PNKD: variants seen among roughly 807,000 people sequenced by gnomAD.
PNKD encodes PNKD metallo-beta-lactamase domain containing.
In PNKD, 36 loss-of-function variants were observed where a neutral mutation model predicts 45.3. That is an observed-to-expected ratio of 0.80 (90% CI 0.61 to 1.05). PNKD has a LOEUF of 1.05. Ranked by LOEUF, PNKD falls within the 50% of genes least tolerant of loss-of-function variation. PNKD has a pLI of 0.00. For missense variants in PNKD, 511 were observed against 506.6 expected (o/e 1.01, Z -0.08); for synonymous variants, 197 against 210.1 (o/e 0.94, Z 0.54).
chr2:218,339,247 C>T (rs913906203), intron 2 of PNKD, among the ~76,000 whole-genome samples: 1 of 152,118 alleles, frequency 6.6e-6, no homozygotes, highest in Non-Finnish European at 1.5e-5. Context: ...CTAGATTAAA[C>T]CCCTCACTCT....
intron 2 of PNKD, chr2:218,272,905 A>G: frequency 6.5e-7 from 1 of 1,548,432 alleles, no homozygotes; most frequent in Non-Finnish European, 8.7e-7. Flanking sequence ...CCAAGGAGCC[A>G]GCCAAAGGCA....
At chr2:218,285,138 G>C (rs988482459) in intron 2 of PNKD, among the ~76,000 whole-genome samples, 1 of 152,092 alleles carries the variant, frequency 6.6e-6, no homozygotes, top group African/African-American at 2.4e-5. Context: ...AATGAAACCC[G>C]ACCCCTGATC....
chr2:218,272,668 G>A (rs753316538), intron 2 of PNKD: 7 of 1,614,184 alleles, frequency 4.3e-6, no homozygotes, highest in South Asian at 2.2e-5. Context: ...CAGAACATGC[G>A]GTTGTCCAAC....
intron 2 of PNKD, among the ~76,000 whole-genome samples, chr2:218,324,477 G>T (rs578220005): frequency 4.3e-4 from 66 of 152,208 alleles, no homozygotes; most frequent in Non-Finnish European, 8.2e-4. Flanking sequence ...AGATATAAAG[G>T]CAGGATAACT....
intron 2 of PNKD, chr2:218,280,075 C>T (rs750928581): frequency 1.2e-6 from 2 of 1,614,152 alleles, no homozygotes; most frequent in Admixed American, 1.7e-5. Flanking sequence ...CTCTCCAGGC[C>T]CGAAGCTATC....
intron 2 of PNKD, chr2:218,278,223 G>C (rs1357758062): frequency 6.6e-6 from 4 of 605,002 alleles, no homozygotes; most frequent in Admixed American, 3.0e-5. Flanking sequence ...CTGACTGCCT[G>C]TGTGATGGGG....
At chr2:218,292,347 G>T (rs1228288750) in intron 2 of PNKD, 1 of 152,230 alleles carries the variant, frequency 6.6e-6, no homozygotes, top group Admixed American at 6.5e-5. Context: ...CCCAGGAGCG[G>T]GCAAGCCGGG....
rs1694770280 is a variant in PNKD, at chr2:218,344,464, A to G, written c.878A>G (p.Tyr293Cys). The change falls in exon 9 of 10, where the codon TAT becomes TGT. Residue 293 changes from tyrosine (Y) to cysteine (C), a missense_variant. Transcript: ENST00000273077. ...TCATGGCTGTCGGTAGGTCATGAGTATGCAGAGGAGAACCTGGGCTTTGCA... is the reference window on the plus strand; with the variant it reads ...TCATGGCTGTCGGTAGGTCATGAGTGTGCAGAGGAGAACCTGGGCTTTGCA... ...DDTLLWPGHE[Y>C]AEENLGFAGV... is the part of the protein sequence containing the mutation. 4 of 1,577,142 alleles carry G rather than the reference A, an allele frequency of 2.5e-6. No individual in the cohort carries two copies. The Middle Eastern group carries it at 5.0e-4, about 197-fold the overall frequency.
intron 2 of PNKD, among the ~76,000 whole-genome samples, chr2:218,339,296 T>G (rs141850148): frequency 0.016 from 2,360 of 152,040 alleles, 60 homozygotes; most frequent in African/African-American, 0.054. Context: ...TCTCACTCTT[T>G]GGCCTGGGCT....
chr2:218,295,366 T>C (rs549736086), intron 2 of PNKD, among the ~76,000 whole-genome samples: 18 of 152,294 alleles, frequency 1.2e-4, no homozygotes, highest in Non-Finnish European at 1.8e-4. Context: ...TGACAGATTA[T>C]TACAATGTTG....
rs1690785817 is a variant in PNKD at position 218,270,523 on chromosome 2, G to T, written c.-13G>T. ...CGGCGGGGAGCGCGGTGAAGCGGGG[G>T]TGGGATCTGAACATGGCGGCGGTGG... is the stretch of plus-strand genomic sequence containing the variant. On this transcript the variant is annotated 5_prime_UTR_variant, in exon 1 of 10. Coordinates refer to ENST00000273077, the MANE Select transcript of PNKD (RefSeq NM_015488.5). The T allele has an allele frequency of 8.2e-7, 1 of 1,224,286 alleles. No individual in the cohort carries two copies. Among genetic ancestry groups the T allele is most frequent in the Non-Finnish European group, 1.1e-6 (1 of 933,210 alleles). 75.8% of individuals were successfully genotyped at this position (1,224,286 alleles called of 1,614,324 possible).
Position 218,340,852 on chromosome 2 carries a change from T to G in PNKD, c.524+66T>G. ...CTGGGCTTGCCAGGACTGGGCCCAT[T>G]GAGGACGGCCGGGGCCAGAGATCAA... is the stretch of plus-strand genomic sequence containing the variant. On this transcript the variant is annotated intron_variant, in intron 5 of 9. Transcript: ENST00000273077. This position sits in a 1 kb window ranked among gnomAD's most constrained non-coding sequence, Gnocchi z 4.2. The G allele has an allele frequency of 7.4e-7, 1 of 1,356,386 alleles. No homozygotes were observed. The highest frequency in any genetic ancestry group is 1.2e-5 in the South Asian group (1 of 86,100). The allele number at this position is 1,356,386 out of a possible 1,614,324, so 84.0% of individuals were successfully genotyped here. A position where few individuals can be genotyped will look rare whatever the true frequency, so the allele number is the denominator to read the frequency against.
At chr2:218,273,504 G>T (rs1198673121) in intron 2 of PNKD, among the ~76,000 whole-genome samples, 3 of 129,388 alleles carry the variant, frequency 2.3e-5, no homozygotes, top group Non-Finnish European at 4.8e-5. Context: ...TTTTGAGACA[G>T]AGTTTCACTC....
intron 2 of PNKD, chr2:218,323,070 C>T (rs928178877): frequency 2.5e-5 from 22 of 895,478 alleles, no homozygotes; most frequent in East Asian, 1.5e-4. Flanking sequence ...GGCCGCCCCC[C>T]AAGCCGGGTG....
At position 218,342,027 on chromosome 2, in the gene PNKD, C is replaced by T. The variant is rs758297049; in HGVS notation, c.664C>T (p.Arg222Trp). The change falls in exon 7 of 10, where the codon CGG becomes TGG. Residue 222 changes from arginine (R) to tryptophan (W), a missense_variant. Arg to Trp is a moderately radical substitution (Grantham distance 101). Transcript: ENST00000273077. Reference sequence around the variant, plus strand: ...GGTCAGCGTGGGACGGCTTCAGATCCGGGCCCTGGCTACACCTGGCCACAC... The same window carrying T: ...GGTCAGCGTGGGACGGCTTCAGATCTGGGCCCTGGCTACACCTGGCCACAC... Reference protein sequence around the residue: ...DVVSVGRLQIRALATPGHTQG... With the variant: ...DVVSVGRLQIWALATPGHTQG... The T allele has an allele frequency of 2.7e-5, 43 of 1,613,422 alleles. No individual in the cohort carries two copies. Among genetic ancestry groups the T allele is most frequent in the African/African-American group, 1.9e-4 (14 of 74,918 alleles).
In PNKD at chr2:218,340,215, G is replaced by T; in HGVS notation, c.465+74G>T. 2 of 905,104 alleles carry T rather than the reference G, an allele frequency of 2.2e-6. No homozygotes were observed. Among genetic ancestry groups the T allele is most frequent in the South Asian group, 2.6e-5 (2 of 76,248 alleles). The allele number at this position is 905,104 out of a possible 1,614,324, so 56.1% of individuals were successfully genotyped here. On this transcript the variant is annotated intron_variant, in intron 4 of 9. Coordinates refer to ENST00000273077, the MANE Select transcript of PNKD (RefSeq NM_015488.5). The surrounding 1 kb of genome is among the most constrained non-coding windows in gnomAD (Gnocchi z 4.2). ...TGGCAGTTTCGCCTTGCTAGAGAGG[G>T]CTGACCCTTGTCCGTCTGCCCGTGG...
chr2:218,324,997 CTTTTTT>C lies in PNKD; in HGVS notation c.237-14763_237-14758del, dbSNP rs1167758595. 2.2e-3 allele frequency among the ~76,000 whole-genome samples: 140 copies of C among 62,642 alleles called. 1 individual carries two copies. Among genetic ancestry groups the C allele is most frequent in the East Asian group, 9.3e-3 (17 of 1,834 alleles). 41.1% of individuals were successfully genotyped at this position (62,642 alleles called of 152,430 possible). On this transcript the variant is annotated intron_variant, in intron 2 of 9. Transcript: ENST00000273077. The stretch of plus-strand genomic sequence containing the variant: ...AACATGAAGGTATCTAAATAATTTT[CTTTTTT>C]TTTTTTTTTTTTTTTTTTTTTTGAG...
Position 218,270,564 on chromosome 2 carries a change from T to A in PNKD, c.29T>A (p.Leu10Gln), listed in dbSNP as rs978542223. The A allele has an allele frequency of 4.9e-6, 6 of 1,212,268 alleles. No homozygotes were observed. Among genetic ancestry groups the A allele is most frequent in the Non-Finnish European group, 6.4e-6 (6 of 939,536 alleles). The allele number at this position is 1,212,268 out of a possible 1,614,324, so 75.1% of individuals were successfully genotyped here. Residue 10 changes from leucine to glutamine, a missense_variant, in exon 1 of 10, where the codon CTG (leucine) becomes CAG (glutamine). Physicochemically the swap from Leu to Gln is moderately radical, Grantham distance 113. Transcript: ENST00000273077. MAAVVAATALKGRGARNARV... is the reference protein window; with the variant it reads MAAVVAATAQKGRGARNARV... The stretch of plus-strand genomic sequence containing the variant: ...GCGGCGGTGGTAGCTGCTACGGCGC[T>A]GAAGGGCCGGGGGGCGAGAAATGCC...
intron 2 of PNKD, among the ~76,000 whole-genome samples, chr2:218,301,733 A>G (rs1693279562): frequency 6.6e-6 from 1 of 152,082 alleles, no homozygotes; most frequent in African/African-American, 2.4e-5. Context: ...GGCTGCAGTG[A>G]GCTGTGATTA....
Sources: allele counts gnomAD v4.1 joint callset (sites outside exome capture counted in the v4.1 genomes callset), GRCh38; gene constraint gnomAD v4.1.1; non-coding constraint Gnocchi (gnomAD v3.1); transcripts MANE v1.5; gene names NCBI Gene and HGNC (gene_info 2026-07-23, HGNC 2026-07-21).